CELF2: variants seen among roughly 807,000 people sequenced by gnomAD.
CELF2 encodes the protein CUG triplet repeat RNA-binding protein 2.
Under a neutral mutation model 62.6 loss-of-function variants are expected in CELF2, and 8 were observed. That is an observed-to-expected ratio of 0.13 (90% CI 0.07 to 0.23). CELF2 has a LOEUF of 0.23. Among genes scored for constraint, CELF2 ranks in the 10% least tolerant of loss-of-function variants. The pLI is 1.00. For missense variants in CELF2, 333 were observed against 671.0 expected, an observed-to-expected ratio of 0.50 and a Z score of 5.56; for synonymous variants, 258 against 250.0, an observed-to-expected ratio of 1.03 and a Z score of -0.30.
At chr10:10,715,774 T>C in the CELF2 span, among the ~76,000 whole-genome samples, 1 of 152,194 alleles carries the variant, frequency 6.6e-6, no homozygotes, top group Non-Finnish European at 1.5e-5. Flanking sequence ...ATAAGTTATC[T>C]GAAAACTCTC....
At chr10:11,272,806 A>T (rs2765986) in intron 7 of CELF2, among the ~76,000 whole-genome samples, 1 of 152,232 alleles carries the variant, frequency 6.6e-6, no homozygotes, top group South Asian at 2.1e-4. Flanking sequence ...TTGGTTATCC[A>T]TGGCAATAAT....
chr10:10,876,874 A>C (rs1465579826), intron 1 of CELF2, among the ~76,000 whole-genome samples: 1 of 152,218 alleles, frequency 6.6e-6, no homozygotes, highest in Non-Finnish European at 1.5e-5. Context: ...TGTGTGGTCT[A>C]TGTGTGTGCA....
chr10:10,795,385 C>A (rs1384467417), upstream of CELF2, among the ~76,000 whole-genome samples: 1 of 151,752 alleles, frequency 6.6e-6, no homozygotes, highest in African/African-American at 2.4e-5. Context: ...TGAACTCTTA[C>A]AATTTATAGA....
chr10:11,289,252 A>G lies in CELF2; in HGVS notation c.976+700A>G, dbSNP rs142210252. ...CTCTGAGTTTTCCAGACCTCAATAGATGGTCTCACCTCCTTTTCTGTTACA... is the reference window on the plus strand; with the variant it reads ...CTCTGAGTTTTCCAGACCTCAATAGGTGGTCTCACCTCCTTTTCTGTTACA... On this transcript the variant is annotated intron_variant, in intron 9 of 12. Transcript: ENST00000633077. Among the ~76,000 whole-genome samples the G allele has an allele frequency of 5.9e-3, 894 of 152,226 alleles. 8 individuals are homozygous for G. The highest frequency in any genetic ancestry group is 0.021 in the African/African-American group (865 of 41,528).
At chr10:10,542,425 A>G in the CELF2 span, among the ~76,000 whole-genome samples, 1 of 152,198 alleles carries the variant, frequency 6.6e-6, no homozygotes, top group Non-Finnish European at 1.5e-5. Flanking sequence ...GAAGACAGAC[A>G]AAGGCTACTC....
the CELF2 span, among the ~76,000 whole-genome samples, chr10:10,579,770 G>A: frequency 6.6e-6 from 1 of 151,918 alleles, no homozygotes; most frequent in African/African-American, 2.4e-5. Flanking sequence ...CTGATATTAT[G>A]GAATACATAA....
the CELF2 span, among the ~76,000 whole-genome samples, chr10:10,511,068 T>C: frequency 6.6e-6 from 1 of 152,016 alleles, no homozygotes. Context: ...ATGGAGTGAG[T>C]GTCAGGGTTT....
At chr10:11,080,992 A>C (rs888598155) in intron 1 of CELF2, among the ~76,000 whole-genome samples, 4 of 152,200 alleles carry the variant, frequency 2.6e-5, no homozygotes, top group Non-Finnish European at 5.9e-5. Context: ...TGTTCCTTTG[A>C]AAAACAGGTG....
chr10:10,736,396 C>CTTTCTTTCTTTTT, the CELF2 span, among the ~76,000 whole-genome samples: 90 of 75,970 alleles, frequency 1.2e-3, no homozygotes, highest in African/African-American at 4.0e-3. Context: ...TTCTTTCTTT[C>CTTTCTTTCTTTTT]TTTTTTTTTT....
At chr10:10,707,101 G>A in the CELF2 span, among the ~76,000 whole-genome samples, 3 of 152,120 alleles carry the variant, frequency 2.0e-5, no homozygotes, top group Admixed American at 1.3e-4. Flanking sequence ...GGGGGTTACT[G>A]GTTTTCCTTC....
intron 1 of CELF2, among the ~76,000 whole-genome samples, chr10:11,031,915 A>G (rs755532612): frequency 2.0e-5 from 3 of 152,060 alleles, no homozygotes; most frequent in Non-Finnish European, 4.4e-5. Context: ...GGAAAATGCT[A>G]TTACCCTTTT....
chr10:11,086,297 C>T (rs1311740180), intron 1 of CELF2, among the ~76,000 whole-genome samples: 2 of 151,918 alleles, frequency 1.3e-5, no homozygotes, highest in African/African-American at 4.8e-5. Context: ...CAATAACAAC[C>T]GTATTTTTCC....
At chr10:10,498,453 T>A in the CELF2 span, among the ~76,000 whole-genome samples, 1 of 152,202 alleles carries the variant, frequency 6.6e-6, no homozygotes. Context: ...AATTTGAGCT[T>A]GGCTCCTGGA....
chr10:10,877,422 G>A (rs1373443122), intron 1 of CELF2, among the ~76,000 whole-genome samples: 1 of 152,248 alleles, frequency 6.6e-6, no homozygotes, highest in Non-Finnish European at 1.5e-5. Context: ...ACAACGAGAA[G>A]TGGGGAGAGT....
intron 1 of CELF2, among the ~76,000 whole-genome samples, chr10:11,056,437 T>C (rs913178165): frequency 1.3e-5 from 2 of 152,222 alleles, no homozygotes; most frequent in Non-Finnish European, 2.9e-5. Context: ...GCATGAGCTT[T>C]TCAACACTGA....
chr10:10,695,630 A>C, the CELF2 span, among the ~76,000 whole-genome samples: 1 of 152,062 alleles, frequency 6.6e-6, no homozygotes, highest in African/African-American at 2.4e-5. Context: ...TCTCCCAATC[A>C]CTTTCAGGTA....
At chr10:10,569,524 G>A in the CELF2 span, among the ~76,000 whole-genome samples, 6 of 152,284 alleles carry the variant, frequency 3.9e-5, no homozygotes, top group African/African-American at 1.4e-4. Flanking sequence ...TGGAGACACA[G>A]CCAAACCCTA....
At chr10:11,294,694 C>T (rs1226370141) in intron 9 of CELF2, among the ~76,000 whole-genome samples, 3 of 152,110 alleles carry the variant, frequency 2.0e-5, no homozygotes, top group Admixed American at 6.5e-5. Context: ...GGGTGGATCA[C>T]GAGGTCAGGA....
chr10:11,319,224 G>C lies in CELF2; in HGVS notation c.1097-1965G>C, dbSNP rs1591456712. The C allele has an allele frequency of 2.5e-6, 1 of 401,120 alleles. No individual in the cohort carries two copies. Among genetic ancestry groups the C allele is most frequent in the Non-Finnish European group, 5.2e-6 (1 of 194,134 alleles). 24.8% of individuals were successfully genotyped at this position (401,120 alleles called of 1,614,324 possible). ...CCCGTTAACAGCCTGGCCAAAGTGA[G>C]ACCAACAGAATTTATCAGCAGCGTC... On this transcript the variant is annotated intron_variant, in intron 10 of 12. Coordinates refer to ENST00000633077, the MANE Select transcript of CELF2 (RefSeq NM_001326342.2). This position sits in a 1 kb window ranked among gnomAD's most constrained non-coding sequence, Gnocchi z 4.4.
Sources: allele counts gnomAD v4.1 joint callset (sites outside exome capture counted in the v4.1 genomes callset), GRCh38; gene constraint gnomAD v4.1.1; non-coding constraint Gnocchi (gnomAD v3.1); transcripts MANE v1.5; gene names NCBI Gene and HGNC (gene_info 2026-07-23, HGNC 2026-07-21).